USP19: variants seen among roughly 807,000 people sequenced by gnomAD.
The protein encoded by USP19 is ubiquitin carboxyl-terminal hydrolase 19.
Under a neutral mutation model 144.8 loss-of-function variants are expected in USP19, and 40 were observed. The ratio of observed to expected loss-of-function variants is 0.28; its 90% CI spans 0.21 to 0.36. The LOEUF is 0.36. Among genes scored for constraint, USP19 ranks in the 10% least tolerant of loss-of-function variants. The pLI is 1.00. For synonymous variants in USP19, 701 were observed against 709.3 expected (o/e 0.99, Z 0.19); for missense variants, 1,518 against 1,822.5 (o/e 0.83, Z 3.04).
intron 1 of USP19, among the ~76,000 whole-genome samples, chr3:49,120,063 A>C (rs1013217906): frequency 6.6e-6 from 1 of 152,166 alleles, no homozygotes; most frequent in Non-Finnish European, 1.5e-5. Context: ...AGCCACAAGG[A>C]CCACTACAGT....
chr3:49,120,407 G>C (rs2045025370), intron 1 of USP19: 1 of 152,114 alleles, frequency 6.6e-6, no homozygotes, highest in African/African-American at 2.4e-5. Context: ...GGACGTCGAG[G>C]CGGGTAAGGG....
chr3:49,116,229 T>C lies in USP19; in HGVS notation c.1355+51A>G. Reference sequence around the variant, plus strand: ...CATCAGGATAGATGAGCCAGGGAGATGGAGCCCACGGGGTAGGACAGGCAC... The same window carrying C: ...CATCAGGATAGATGAGCCAGGGAGACGGAGCCCACGGGGTAGGACAGGCAC... On this transcript the variant is annotated intron_variant, in intron 9 of 26. Coordinates refer to ENST00000417901, the MANE Select transcript of USP19 (RefSeq NM_001199161.2). This position sits in a 1 kb window ranked among gnomAD's most constrained non-coding sequence, Gnocchi z 5.0. 6.2e-7 allele frequency: 1 copy of C among 1,613,626 alleles called. No homozygotes were observed. Among genetic ancestry groups the C allele is most frequent in the East Asian group, 2.2e-5 (1 of 44,848 alleles).
At chr3:49,118,651 G>A (rs2044603132) in intron 2 of USP19, among the ~76,000 whole-genome samples, 1 of 151,984 alleles carries the variant, frequency 6.6e-6, no homozygotes, top group Non-Finnish European at 1.5e-5. Flanking sequence ...GGGAGGCTGA[G>A]GCAGGACAAT....
Position 49,108,676 on chromosome 3 carries a change from G to C in USP19, c.4039-148C>G. The C allele has an allele frequency of 7.6e-7, 1 of 1,307,344 alleles. No individual in the cohort carries two copies. Among genetic ancestry groups the C allele is most frequent in the Non-Finnish European group, 9.7e-7 (1 of 1,029,292 alleles). 81.0% of individuals were successfully genotyped at this position (1,307,344 alleles called of 1,614,324 possible). On this transcript the variant is annotated intron_variant, in intron 26 of 26. Transcript: ENST00000417901. This position sits in a 1 kb window ranked among gnomAD's most constrained non-coding sequence, Gnocchi z 4.8. ...GCGTTGAGACAGAGAGACGAGATTG[G>C]GCCTGAATAGTCTGGTTTTATTAAC...
chr3:49,110,264 G>C lies in USP19; in HGVS notation c.3958C>G (p.Pro1320Ala). 1 of 1,605,122 alleles carries C rather than the reference G, an allele frequency of 6.2e-7. No individual in the cohort carries two copies. The highest frequency in any genetic ancestry group is 1.7e-5 in the Admixed American group (1 of 59,396). Residue 1320 changes from proline to alanine, a missense_variant, in exon 26 of 27, where the codon CCT becomes GCT. Coordinates refer to ENST00000417901, the MANE Select transcript of USP19 (RefSeq NM_001199161.2). This position sits in a 1 kb window ranked among gnomAD's most constrained non-coding sequence, Gnocchi z 6.1. ...CCTGCCCTGGGGGGCCTCTCCACAG[G>C]AGAGTTCCGCCGGCGGTAGAAGAGT... ...YVLFYRRRNS[P>A]VERPPRAGHS...
chr3:49,110,599 A>G lies in USP19; in HGVS notation c.3704T>C (p.Leu1235Pro). 3 of 1,613,860 alleles carry G rather than the reference A, an allele frequency of 1.9e-6. No individual in the cohort carries two copies. Among genetic ancestry groups the G allele is most frequent in the Non-Finnish European group, 2.5e-6 (3 of 1,179,982 alleles). ...NDLVEFPVRN[L>P]DLSKFCIGQK... ...ACCAATGCAGAACTTGCTCAGGTCC[A>G]GGTTCCTGCAGGTCAGGTCCAGTCA... The change falls in exon 25 of 27, where the codon CTG becomes CCG. Residue 1235 changes from leucine to proline, a missense_variant. By Grantham distance (98) the Leu-to-Pro change is moderately conservative (BLOSUM62 -3). Around this residue, in one of 5 missense-constraint regions of USP19, gnomAD observed 122 missense variants for 200.4 expected, o/e 0.61. Coordinates refer to ENST00000417901, the MANE Select transcript of USP19 (RefSeq NM_001199161.2). This position sits in a 1 kb window ranked among gnomAD's most constrained non-coding sequence, Gnocchi z 6.1.
chr3:49,117,695 G>A lies in USP19; in HGVS notation c.434C>T (p.Ala145Val), dbSNP rs777910754. The change falls in exon 4 of 27, where the codon GCT becomes GTT. Residue 145 changes from alanine (A) to valine (V), a missense_variant. Ala to Val is a moderately conservative substitution (Grantham distance 64). Around this residue, in one of 5 missense-constraint regions of USP19, gnomAD observed 707 missense variants for 728.9 expected, o/e 0.97. Coordinates refer to ENST00000417901, the MANE Select transcript of USP19 (RefSeq NM_001199161.2). The surrounding 1 kb of genome is among the most constrained non-coding windows in gnomAD (Gnocchi z 4.4). The stretch of plus-strand genomic sequence containing the variant: ...CACACAGTCTGTATCTGTGAAAGCA[G>A]CATCTACATCCTCCAGCTGCAGGGG... ...VGPLQLEDVD[A>V]AFTDTDCVVR... is the part of the protein sequence containing the mutation. The A allele has an allele frequency of 9.9e-6, 16 of 1,614,070 alleles. 1 individual carries two copies. The South Asian group carries it at 1.6e-4, about 17-fold the overall frequency.
chr3:49,114,201 G>A lies in USP19; in HGVS notation c.2376C>T (p.Ala792=). 1 of 1,614,180 alleles carries A rather than the reference G, an allele frequency of 6.2e-7. No homozygotes were observed. Residue 792 remains alanine (A), a synonymous_variant, in exon 16 of 27, where the codon GCC becomes GCT. Transcript: ENST00000417901. This position sits in a 1 kb window ranked among gnomAD's most constrained non-coding sequence, Gnocchi z 4.5. The part of the protein sequence containing the change: ...KQKVLPVFYF[A]REPHSKPIKF... Reference sequence around the variant, plus strand: ...TGATGGGCTTGCTGTGGGGCTCTCGGGCAAAATAAAAGACAGGGAGAACCT... The same window carrying A: ...TGATGGGCTTGCTGTGGGGCTCTCGAGCAAAATAAAAGACAGGGAGAACCT...
rs1391181245 is a variant in USP19 at position 49,116,430 on chromosome 3, C to G, written c.1283+21G>C. ...ACTGTCCCACCTGAGGCATTGTTTG[C>G]CCCATCATCTACCCACCCACCTGGT... On this transcript the variant is annotated intron_variant, in intron 8 of 26. Transcript: ENST00000417901. This position sits in a 1 kb window ranked among gnomAD's most constrained non-coding sequence, Gnocchi z 5.0. 1 of 1,614,026 alleles carries G rather than the reference C, an allele frequency of 6.2e-7. No homozygotes were observed. Among genetic ancestry groups the G allele is most frequent in the African/African-American group, 1.3e-5 (1 of 75,034 alleles).
At position 49,116,242 on chromosome 3, in the gene USP19, G is replaced by A. The variant is rs767060997; in HGVS notation, c.1355+38C>T. On this transcript the variant is annotated intron_variant, in intron 9 of 26. Coordinates refer to ENST00000417901, the MANE Select transcript of USP19 (RefSeq NM_001199161.2). The surrounding 1 kb of genome is among the most constrained non-coding windows in gnomAD (Gnocchi z 5.0). ...GAGCCAGGGAGATGGAGCCCACGGG[G>A]TAGGACAGGCACAGTGGTGGGGCCG... The A allele has an allele frequency of 1.2e-6, 2 of 1,613,766 alleles. No homozygotes were observed. The highest frequency in any genetic ancestry group is 2.2e-5 in the East Asian group (1 of 44,860).
chr3:49,117,953 T>C lies in USP19; in HGVS notation c.292A>G (p.Lys98Glu), dbSNP rs775901739. ...AAGCCCATTCGTTACTGACCCTCTT[T>C]GGTCTGCTCCTCTTGAGGAGTGGAT... is the stretch of plus-strand genomic sequence containing the variant. ...SASTPQEEQTKEGACEDPHDL... is the reference protein window; with the variant it reads ...SASTPQEEQTEEGACEDPHDL... Residue 98 changes from lysine (K) to glutamate (E), a missense_variant, in exon 3 of 27, where the codon AAA becomes GAA. This residue lies in a region of USP19 where 707 missense variants were observed against 728.9 expected (regional missense o/e 0.97). Transcript: ENST00000417901. This position sits in a 1 kb window ranked among gnomAD's most constrained non-coding sequence, Gnocchi z 4.4. 14 of 1,613,096 alleles carry C rather than the reference T, an allele frequency of 8.7e-6. No homozygotes were observed. The highest frequency in any genetic ancestry group is 1.1e-5 in the Non-Finnish European group (13 of 1,179,772).
At position 49,115,051 on chromosome 3, in the gene USP19, C is replaced by T. The variant is rs776953851; in HGVS notation, c.2089G>A (p.Ala697Thr). The T allele has an allele frequency of 6.2e-7, 1 of 1,614,204 alleles. No homozygotes were observed. Among genetic ancestry groups the T allele is most frequent in the Non-Finnish European group, 8.5e-7 (1 of 1,180,034 alleles). Residue 697 changes from alanine to threonine, a missense_variant, in exon 14 of 27, where the codon GCT becomes ACT. By Grantham distance (58) the Ala-to-Thr change is moderately conservative. This residue lies in a region of USP19 where 158 missense variants were observed against 277.3 expected (regional missense o/e 0.57). Coordinates refer to ENST00000417901, the MANE Select transcript of USP19 (RefSeq NM_001199161.2). This position sits in a 1 kb window ranked among gnomAD's most constrained non-coding sequence, Gnocchi z 6.6. ...TCGTGCAGCCCATCCAGCAGGAAAG[C>T]CATGAACTCCTGGGCATCATGCTGT... ...YAQHDAQEFM[A>T]FLLDGLHEDL... is the part of the protein sequence containing the mutation.
rs771801780 is a variant in USP19 at position 49,108,393 on chromosome 3, C to G, written c.*19G>C. On this transcript the variant is annotated 3_prime_UTR_variant, in exon 27 of 27. Coordinates refer to ENST00000417901, the MANE Select transcript of USP19 (RefSeq NM_001199161.2). This position sits in a 1 kb window ranked among gnomAD's most constrained non-coding sequence, Gnocchi z 4.8. Reference sequence around the variant, plus strand: ...TGTGGGTGTCCCAAACCCAGTCCCCCCCATCAGCCAGGGACCTGCTAATCC... The same window carrying G: ...TGTGGGTGTCCCAAACCCAGTCCCCGCCATCAGCCAGGGACCTGCTAATCC... 6.5e-5 allele frequency: 72 copies of G among 1,106,780 alleles called. No individual in the cohort carries two copies. The highest frequency in any genetic ancestry group is 8.2e-5 in the Non-Finnish European group (66 of 801,322). The allele number at this position is 1,106,780 out of a possible 1,614,324, so 68.6% of individuals were successfully genotyped here. A position where few individuals can be genotyped will look rare whatever the true frequency, so the allele number is the denominator to read the frequency against.
At chr3:49,113,758 A>T (rs2043595158) in intron 17 of USP19, among the ~76,000 whole-genome samples, 1 of 152,056 alleles carries the variant, frequency 6.6e-6, no homozygotes, top group Non-Finnish European at 1.5e-5. Context: ...CACCATGCCC[A>T]GCTAATTTTA....
rs780495921 is a variant in USP19 at position 49,110,273 on chromosome 3, G to A, written c.3949C>T (p.Arg1317Trp). Residue 1317 changes from arginine (R) to tryptophan (W), a missense_variant, in exon 26 of 27, where the codon CGG (arginine) becomes TGG (tryptophan). Physicochemically the swap from Arg to Trp is moderately radical, Grantham distance 101. This residue lies in a region of USP19 where 118 missense variants were observed against 100.2 expected (regional missense o/e 1.18). Coordinates refer to ENST00000417901, the MANE Select transcript of USP19 (RefSeq NM_001199161.2). This position sits in a 1 kb window ranked among gnomAD's most constrained non-coding sequence, Gnocchi z 6.1. Reference protein sequence around the residue: ...RYAYVLFYRRRNSPVERPPRA... With the variant: ...RYAYVLFYRRWNSPVERPPRA... ...GGGGGCCTCTCCACAGGAGAGTTCC[G>A]CCGGCGGTAGAAGAGTACATAGGCA... 1.0e-5 allele frequency: 16 copies of A among 1,606,014 alleles called. No individual in the cohort carries two copies. The East Asian group carries it at 1.8e-4, about 18-fold the overall frequency.
chr3:49,118,156 T>C (rs769915855), intron 2 of USP19, 36 bp from the exon 3 acceptor site: 9 of 828,470 alleles, frequency 1.1e-5, no homozygotes, highest in Non-Finnish European at 1.1e-5. Flanking sequence ...TCAAGCATGG[T>C]GAGGAGGCTG....
In USP19 at chr3:49,112,073, T is replaced by C. The variant is rs942907463; in HGVS notation, c.2766-25A>G. 8 of 1,612,284 alleles carry C rather than the reference T, an allele frequency of 5.0e-6. No individual in the cohort carries two copies. Among genetic ancestry groups the C allele is most frequent in the African/African-American group, 2.7e-5 (2 of 74,882 alleles). On this transcript the variant is annotated intron_variant, in intron 19 of 26. Transcript: ENST00000417901. This position sits in a 1 kb window ranked among gnomAD's most constrained non-coding sequence, Gnocchi z 4.9. Reference sequence around the variant, plus strand: ...CCTGACGGGAAGAGGAAGACAAGGATAGGCCCTTAGCCCCATCTCCTATGA... The same window carrying C: ...CCTGACGGGAAGAGGAAGACAAGGACAGGCCCTTAGCCCCATCTCCTATGA...
At position 49,110,127 on chromosome 3, in the gene USP19, C is replaced by T. The variant is rs570550766; in HGVS notation, c.4038+57G>A. 2.0e-5 allele frequency: 29 copies of T among 1,450,208 alleles called. 1 individual carries two copies. Among genetic ancestry groups the T allele is most frequent in the Middle Eastern group, 1.9e-4 (1 of 5,190 alleles). The allele number at this position is 1,450,208 out of a possible 1,614,324, so 89.8% of individuals were successfully genotyped here. On this transcript the variant is annotated intron_variant, in intron 26 of 26. Transcript: ENST00000417901. This position sits in a 1 kb window ranked among gnomAD's most constrained non-coding sequence, Gnocchi z 6.1. ...GGAGAGGAAGCTATATCCCCCAACC[C>T]GGCCCCAGTCTGTGAACTGTCCCCC...
chr3:49,111,628 G>T lies in USP19; in HGVS notation c.3089C>A (p.Pro1030His), dbSNP rs2043167918. The change falls in exon 21 of 27, where the codon CCC becomes CAC. Residue 1030 changes from proline (P) to histidine (H), a missense_variant. By Grantham distance (77) the Pro-to-His change is moderately conservative. This residue lies in a region of USP19 where 413 missense variants were observed against 515.8 expected (regional missense o/e 0.80). Coordinates refer to ENST00000417901, the MANE Select transcript of USP19 (RefSeq NM_001199161.2). This position sits in a 1 kb window ranked among gnomAD's most constrained non-coding sequence, Gnocchi z 5.9. ...CCGGTCAGGGGCTGCCCACACCCGGGGAAGCCCTGTGTCCCCCTCAGCCAT... is the reference window on the plus strand; with the variant it reads ...CCGGTCAGGGGCTGCCCACACCCGGTGAAGCCCTGTGTCCCCCTCAGCCAT... ...TPMAEGDTGL[P>H]RVWAAPDRGP... 6.2e-7 allele frequency: 1 copy of T among 1,609,238 alleles called. No homozygotes were observed. Among genetic ancestry groups the T allele is most frequent in the Non-Finnish European group, 8.5e-7 (1 of 1,177,878 alleles).
Sources: gnomAD v4.1 joint callset for allele counts (sites outside exome capture counted in the v4.1 genomes callset) on GRCh38, gnomAD v4.1.1 for gene constraint, gnomAD v4.1.1 regional missense constraint, Gnocchi (gnomAD v3.1) non-coding constraint, MANE v1.5 for transcripts, NCBI Gene and HGNC (gene_info 2026-07-23, HGNC 2026-07-21) for gene names.